METTL8: variants seen among roughly 807,000 people sequenced by gnomAD.
METTL8 encodes tRNA N(3)-cytidine methyltransferase METTL8, mitochondrial.
Under a neutral mutation model 48.7 loss-of-function variants are expected in METTL8, and 32 were observed. The observed-to-expected ratio is 0.66, with a 90% confidence interval of 0.50 to 0.88. The LOEUF (loss-of-function observed/expected upper bound fraction) is 0.88, where lower values mean the gene tolerates loss of function less well. Among genes scored for constraint, METTL8 ranks in the 40% least tolerant of loss-of-function variants. METTL8 has a pLI of 0.00. For missense variants in METTL8, 464 were observed against 474.4 expected, an observed-to-expected ratio of 0.98 and a Z score of 0.20; for synonymous variants, 136 against 157.1, an observed-to-expected ratio of 0.87 and a Z score of 1.01.
At chr2:171,404,411 AG>A (rs1689974905) in intron 1 of METTL8, among the ~76,000 whole-genome samples, 1 of 152,078 alleles carries the variant, frequency 6.6e-6, no homozygotes, top group African/African-American at 2.4e-5. Flanking sequence ...GCTGGCTGTC[AG>A]GAGCAGATGA....
intron 1 of METTL8, among the ~76,000 whole-genome samples, chr2:171,395,607 A>G (rs1048846505): frequency 6.6e-6 from 1 of 152,220 alleles, no homozygotes; most frequent in Non-Finnish European, 1.5e-5. Context: ...AGGGGCATTT[A>G]ATAATGATAA....
At chr2:171,412,134 A>G (rs1363687542) in intron 1 of METTL8, among the ~76,000 whole-genome samples, 2 of 152,212 alleles carry the variant, frequency 1.3e-5, no homozygotes, top group African/African-American at 4.8e-5. Flanking sequence ...CTGAAAGCCC[A>G]AAGATTGGGC....
chr2:171,409,088 T>C (rs1574178911), intron 1 of METTL8, among the ~76,000 whole-genome samples: 1 of 152,184 alleles, frequency 6.6e-6, no homozygotes, highest in Non-Finnish European at 1.5e-5. Context: ...CAGGATGGTA[T>C]AGTAGAGGGC....
At chr2:171,361,633 T>G (rs969675020) in intron 2 of METTL8, among the ~76,000 whole-genome samples, 1 of 152,240 alleles carries the variant, frequency 6.6e-6, no homozygotes, top group Non-Finnish European at 1.5e-5. Flanking sequence ...GTTATAATCA[T>G]GTCCACTTTG....
At chr2:171,348,198 C>T (rs994945627) in intron 3 of METTL8, among the ~76,000 whole-genome samples, 1 of 152,148 alleles carries the variant, frequency 6.6e-6, no homozygotes, top group Non-Finnish European at 1.5e-5. Flanking sequence ...CAGAGGAATG[C>T]TAACATCTTT....
intron 1 of METTL8, among the ~76,000 whole-genome samples, chr2:171,397,589 G>A (rs556091859): frequency 5.4e-5 from 8 of 149,058 alleles, no homozygotes; most frequent in Admixed American, 2.7e-4. Context: ...AGAGAGAGAG[G>A]GAAGGAGGGA....
chr2:171,350,675 T>C (rs1279166284), intron 3 of METTL8, among the ~76,000 whole-genome samples: 8 of 152,222 alleles, frequency 5.3e-5, no homozygotes, highest in Non-Finnish European at 4.4e-5. Context: ...TGAGATGGTA[T>C]CTCATTGTGG....
In METTL8 at chr2:171,382,774, C is replaced by A. The variant is rs529380907; in HGVS notation, c.143+9269G>T. On this transcript the variant is annotated intron_variant, in intron 2 of 9. Transcript: ENST00000375258. ...AGAAAACTACAAAAAAACAAACAAACAAAAAACACACATCTGGGCCAGACG... is the reference window on the plus strand; with the variant it reads ...AGAAAACTACAAAAAAACAAACAAAAAAAAAACACACATCTGGGCCAGACG... Among the ~76,000 whole-genome samples the A allele has an allele frequency of 1.2e-4, 18 of 151,490 alleles. No homozygotes were observed. The East Asian group carries it at 3.3e-3, about 28-fold the overall frequency.
chr2:171,369,912 A>C (rs1686133254), intron 2 of METTL8, among the ~76,000 whole-genome samples: 2 of 152,082 alleles, frequency 1.3e-5, no homozygotes, highest in African/African-American at 4.8e-5. Context: ...CTAAAAATAC[A>C]AAAATTAGCT....
chr2:171,385,297 A>G (rs942139048), intron 2 of METTL8, among the ~76,000 whole-genome samples: 2 of 151,906 alleles, frequency 1.3e-5, no homozygotes, highest in Admixed American at 1.3e-4. Flanking sequence ...TTATAGTGCC[A>G]TTGTACTTCA....
chr2:171,356,885 A>T (rs990140249), intron 3 of METTL8, among the ~76,000 whole-genome samples: 10 of 151,460 alleles, frequency 6.6e-5, no homozygotes, highest in Non-Finnish European at 1.3e-4. Context: ...ACATTAGGCA[A>T]GAGAAAGAAA....
chr2:171,431,484 G>C (rs1435427348), intron 1 of METTL8, among the ~76,000 whole-genome samples: 2 of 152,174 alleles, frequency 1.3e-5, no homozygotes, highest in African/African-American at 4.8e-5. Context: ...TACTGATTGT[G>C]AGACAAAAAC....
intron 2 of METTL8, among the ~76,000 whole-genome samples, chr2:171,387,620 T>G (rs1319607661): frequency 6.6e-6 from 1 of 151,992 alleles, no homozygotes; most frequent in Admixed American, 6.6e-5. Flanking sequence ...ATATCCAAAT[T>G]TTCATTCACT....
chr2:171,339,254 T>C lies in METTL8; in HGVS notation c.536A>G (p.Glu179Gly). ...CTCCATAGGTCCTTTTTTGTGTTTT[T>C]CAGAGTCTAGGTTGGAAAAATCAGA... ...TESDFSNLDS[E>G]KHKKGPMETG... Residue 179 changes from glutamate (E) to glycine (G), a missense_variant, in exon 4 of 10, where the codon GAA becomes GGA. Glu to Gly is a moderately conservative substitution (Grantham distance 98). Coordinates refer to ENST00000375258, the MANE Select transcript of METTL8 (RefSeq NM_001321154.2). The C allele has an allele frequency of 6.2e-7, 1 of 1,608,366 alleles. No individual in the cohort carries two copies. The highest frequency in any genetic ancestry group is 1.1e-5 in the South Asian group (1 of 90,058).
intron 3 of METTL8, among the ~76,000 whole-genome samples, chr2:171,359,031 G>A (rs1684878697): frequency 6.6e-6 from 1 of 152,022 alleles, no homozygotes; most frequent in African/African-American, 2.4e-5. Context: ...GCTCACTCCT[G>A]TAATACCAGC....
At chr2:171,341,935 G>A (rs977495496) in intron 3 of METTL8, among the ~76,000 whole-genome samples, 1 of 152,114 alleles carries the variant, frequency 6.6e-6, no homozygotes, top group East Asian at 1.9e-4. Context: ...TGCCTCTAGG[G>A]AGAGGAAAGG....
intron 1 of METTL8, among the ~76,000 whole-genome samples, chr2:171,427,349 T>C (rs375419041): frequency 1.3e-5 from 2 of 152,326 alleles, no homozygotes; most frequent in Non-Finnish European, 2.9e-5. Context: ...TTCCACTCTA[T>C]AGCCATAATG....
chr2:171,412,344 G>A (rs1262459496), intron 1 of METTL8, among the ~76,000 whole-genome samples: 1 of 152,154 alleles, frequency 6.6e-6, no homozygotes, highest in Non-Finnish European at 1.5e-5. Flanking sequence ...ATCTCTTTCT[G>A]TGTCTCTTTT....
intron 3 of METTL8, among the ~76,000 whole-genome samples, chr2:171,343,172 G>A (rs925440671): frequency 2.6e-5 from 4 of 152,210 alleles, no homozygotes; most frequent in African/African-American, 9.6e-5. Context: ...GGGCATGATG[G>A]CTCATGCCTA....
Sources: gnomAD v4.1 joint callset for allele counts (sites outside exome capture counted in the v4.1 genomes callset) on GRCh38, gnomAD v4.1.1 for gene constraint, MANE v1.5 for transcripts, NCBI Gene and HGNC (gene_info 2026-07-23, HGNC 2026-07-21) for gene names.